The following ITGAM variants were observed in gnomAD, a reference collection of about 807,000 sequenced individuals.
The protein encoded by ITGAM is integrin alpha-M.
A neutral mutation model predicts 137.5 loss-of-function variants in ITGAM; 79 were observed. That is an observed-to-expected ratio of 0.57 (90% CI 0.48 to 0.69). The LOEUF is 0.69. ITGAM is among the 30% of genes least tolerant of loss of function. The pLI, the probability that ITGAM is intolerant of heterozygous loss-of-function variation, is 0.00. For synonymous variants in ITGAM, 583 were observed against 592.3 expected, an observed-to-expected ratio of 0.98 and a Z score of 0.23; for missense variants, 1,343 against 1,483.5, an observed-to-expected ratio of 0.91 and a Z score of 1.56.
At chr16:31,270,148 CTT>C (rs1567248345) in intron 5 of ITGAM, among the ~76,000 whole-genome samples, 52 of 66,694 alleles carry the variant, frequency 7.8e-4, no homozygotes, top group African/African-American at 3.2e-3. Context: ...CTTTCCTTTC[CTT>C]TCCTTTCCTT....
At chr16:31,296,415 T>C (rs2080134787) in intron 12 of ITGAM, among the ~76,000 whole-genome samples, 1 of 152,044 alleles carries the variant, frequency 6.6e-6, no homozygotes. Flanking sequence ...ATCTGGCCGG[T>C]TATATGACTT....
chr16:31,330,274 C>T (rs1300042714), intron 26 of ITGAM, 34 bp from the exon 27 acceptor site: 19 of 1,595,552 alleles, frequency 1.2e-5, no homozygotes, highest in Non-Finnish European at 1.5e-5. Flanking sequence ...CCTTCGGCTT[C>T]CTTACCCGTC....
At chr16:31,274,061 T>C (rs764054630) in intron 8 of ITGAM, among the ~76,000 whole-genome samples, 1 of 152,252 alleles carries the variant, frequency 6.6e-6, no homozygotes, top group Non-Finnish European at 1.5e-5. Context: ...AGGTTAGCGA[T>C]AACCAGGTCC....
In ITGAM at chr16:31,321,644, G is replaced by A; in HGVS notation, c.2002+17G>A. 2 of 1,611,154 alleles carry A rather than the reference G, an allele frequency of 1.2e-6. No homozygotes were observed. The highest frequency in any genetic ancestry group is 1.7e-6 in the Non-Finnish European group (2 of 1,178,436). On this transcript the variant is annotated intron_variant, in intron 16 of 29. Coordinates refer to ENST00000544665, the MANE Select transcript of ITGAM (RefSeq NM_000632.4). Reference sequence around the variant, plus strand: ...TAAGAGAAGGTGAGGCTTGGTGGATGAGTCTCAAGAGGTTAAACGACCGAG... The same window carrying A: ...TAAGAGAAGGTGAGGCTTGGTGGATAAGTCTCAAGAGGTTAAACGACCGAG...
At chr16:31,269,576 C>G (rs764808157) in intron 5 of ITGAM, among the ~76,000 whole-genome samples, 3 of 152,158 alleles carry the variant, frequency 2.0e-5, no homozygotes, top group Non-Finnish European at 2.9e-5. Context: ...CATAATTTTG[C>G]AAAGGCGGTT....
chr16:31,298,968 T>A (rs942976762), intron 14 of ITGAM, among the ~76,000 whole-genome samples: 7 of 152,184 alleles, frequency 4.6e-5, no homozygotes, highest in Admixed American at 1.3e-4. Flanking sequence ...ACAGTCTGGT[T>A]CCATCTTCCC....
At chr16:31,285,779 T>C (rs956649399) in intron 12 of ITGAM, among the ~76,000 whole-genome samples, 9 of 152,060 alleles carry the variant, frequency 5.9e-5, no homozygotes, top group African/African-American at 1.4e-4. Context: ...TTTTCTTTTT[T>C]CTTTTTCTTT....
chr16:31,330,074 TC>T lies in ITGAM; in HGVS notation c.2977-5del. 1 of 1,613,066 alleles carries T rather than the reference TC, an allele frequency of 6.2e-7. No individual in the cohort carries two copies. The highest frequency in any genetic ancestry group is 8.5e-7 in the Non-Finnish European group (1 of 1,179,468). Reference sequence around the variant, plus strand: ...TCTGCCCCTTCTCAGTGCGTCTCTTTCCTCAGAACCTCTCGAGTACGTGCCA... The same window carrying T: ...TCTGCCCCTTCTCAGTGCGTCTCTTTCTCAGAACCTCTCGAGTACGTGCCA... On this transcript the variant is annotated splice_polypyrimidine_tract_variant and splice_region_variant and intron_variant, in intron 25 of 29. Coordinates refer to ENST00000544665, the MANE Select transcript of ITGAM (RefSeq NM_000632.4).
intron 14 of ITGAM, among the ~76,000 whole-genome samples, chr16:31,310,163 A>G (rs1408241658): frequency 1.3e-5 from 2 of 151,786 alleles, no homozygotes; most frequent in Non-Finnish European, 2.9e-5. Context: ...GAATCTGACA[A>G]TTATGTGTTT....
intron 14 of ITGAM, among the ~76,000 whole-genome samples, chr16:31,302,536 G>GT (rs1218472205): frequency 2.2e-5 from 2 of 90,440 alleles, no homozygotes; most frequent in African/African-American, 6.8e-5. Flanking sequence ...TTTCTCTTTT[G>GT]TTTTTGTTTT....
Position 31,278,119 on chromosome 16 carries a change from G to T in ITGAM, c.1356+10G>T, listed in dbSNP as rs778564208. The T allele has an allele frequency of 3.7e-6, 6 of 1,602,686 alleles. No individual in the cohort carries two copies. Among genetic ancestry groups the T allele is most frequent in the South Asian group, 2.3e-5 (2 of 88,864 alleles). On this transcript the variant is annotated intron_variant, in intron 12 of 29. Coordinates refer to ENST00000544665, the MANE Select transcript of ITGAM (RefSeq NM_000632.4). ...TGTCAAGGGCACCCAGGTGAGTGCG[G>T]TTTGTGGAGCATGAATGTGCAAACA...
At chr16:31,272,463 A>T (rs11861771) in intron 7 of ITGAM, among the ~76,000 whole-genome samples, 117 of 10,886 alleles carry the variant, frequency 0.011, 2 homozygotes, top group Non-Finnish European at 0.015. Context: ...ATATATATAT[A>T]TTTTTTTTTT....
At chr16:31,260,996 A>G (rs2079692163) in intron 1 of ITGAM, among the ~76,000 whole-genome samples, 1 of 152,206 alleles carries the variant, frequency 6.6e-6, no homozygotes, top group Non-Finnish European at 1.5e-5. Context: ...GTCTTGTTAT[A>G]TAAGTACTTG....
intron 28 of ITGAM, 97 bp from the exon 29 acceptor site, chr16:31,331,068 G>A: frequency 6.0e-6 from 4 of 663,364 alleles, no homozygotes; most frequent in Non-Finnish European, 1.1e-5. Context: ...GACATGAGGA[G>A]GGGTTCCCCA....
chr16:31,265,933 A>G (rs2079761722), intron 4 of ITGAM, 52 bp downstream of exon 4: 1 of 1,599,768 alleles, frequency 6.3e-7, no homozygotes, highest in Non-Finnish European at 8.6e-7. Context: ...TTGGGGGCCC[A>G]CGCATGGTGG....
At chr16:31,299,537 G>A (rs1413946069) in intron 14 of ITGAM, among the ~76,000 whole-genome samples, 3 of 151,904 alleles carry the variant, frequency 2.0e-5, no homozygotes, top group Non-Finnish European at 2.9e-5. Context: ...TTGAGCTCCC[G>A]GACTCAAGTG....
At chr16:31,275,407 C>A in intron 8 of ITGAM, 142 bp from the exon 9 acceptor site, 1 of 860,730 alleles carries the variant, frequency 1.2e-6, no homozygotes, top group South Asian at 1.7e-5. Context: ...CCAACTATAC[C>A]TGGCAACCCT....
chr16:31,285,930 C>G (rs1007956476), intron 12 of ITGAM, among the ~76,000 whole-genome samples: 3 of 151,964 alleles, frequency 2.0e-5, no homozygotes, highest in Non-Finnish European at 4.4e-5. Flanking sequence ...CCTTGGCCTC[C>G]CAAAATGCTG....
In ITGAM at chr16:31,331,974, TGC is replaced by T; in HGVS notation, c.*269_*270del. ...GTATGTGAGTGTGTCCAAGTGTGTG[TGC>T]GTGTGTCCATGTGTGTGCAAGTGTG... On this transcript the variant is annotated 3_prime_UTR_variant, in exon 30 of 30. Transcript: ENST00000544665. The T allele has an allele frequency of 3.8e-6, 2 of 527,292 alleles. No homozygotes were observed. Among genetic ancestry groups the T allele is most frequent in the South Asian group, 2.4e-5 (1 of 41,868 alleles). The allele number at this position is 527,292 out of a possible 1,614,324, so 32.7% of individuals were successfully genotyped here.
Sources: gnomAD v4.1 joint callset for allele counts (sites outside exome capture counted in the v4.1 genomes callset) on GRCh38, gnomAD v4.1.1 for gene constraint, MANE v1.5 for transcripts, NCBI Gene and HGNC (gene_info 2026-07-23, HGNC 2026-07-21) for gene names.